Variants in MRPL1 observed in about 807,000 individuals in gnomAD.
MRPL1 encodes large ribosomal subunit protein uL1m.
A neutral mutation model predicts 38.0 loss-of-function variants in MRPL1; 28 were observed. The observed-to-expected ratio is 0.74, with a 90% CI of 0.55 to 1.01. The LOEUF (loss-of-function observed/expected upper bound fraction) is 1.01. Among genes scored for constraint, MRPL1 ranks in the 50% least tolerant of loss-of-function variants. The pLI is 0.00. For missense variants in MRPL1, 358 were observed against 389.8 expected, an observed-to-expected ratio of 0.92 and a Z score of 0.69; for synonymous variants, 123 against 126.7, an observed-to-expected ratio of 0.97 and a Z score of 0.20.
rs371637957 is a variant in MRPL1, at chr4:77,880,218, A to T, written c.144-3024A>T. ...GCTAAAATCAAGGTATTGGCAGTTTATTTTCTGGAGGCTCTAGGGGATAAT... is the reference window on the plus strand; with the variant it reads ...GCTAAAATCAAGGTATTGGCAGTTTTTTTTCTGGAGGCTCTAGGGGATAAT... On this transcript the variant is annotated intron_variant, in intron 2 of 8. Coordinates refer to ENST00000315567, the MANE Select transcript of MRPL1 (RefSeq NM_020236.4). 6.7e-3 allele frequency among the ~76,000 whole-genome samples: 1,019 copies of T among 152,202 alleles called. 11 individuals are homozygous for T. The highest frequency in any genetic ancestry group is 0.023 in the African/African-American group (951 of 41,522).
At chr4:77,935,384 G>A (rs992808082) in intron 7 of MRPL1, among the ~76,000 whole-genome samples, 1 of 152,126 alleles carries the variant, frequency 6.6e-6, no homozygotes, top group South Asian at 2.1e-4. Flanking sequence ...TAGATCAACA[G>A]TGAAAATAAT....
intron 7 of MRPL1, among the ~76,000 whole-genome samples, chr4:77,937,611 C>T (rs1055696774): frequency 6.6e-6 from 1 of 152,198 alleles, no homozygotes; most frequent in African/African-American, 2.4e-5. Context: ...CCAGTCTTTA[C>T]AGATGAACCT....
chr4:77,883,129 A>G (rs1735582347), intron 2 of MRPL1, 113 bp from the exon 3 acceptor site: 2 of 702,818 alleles, frequency 2.8e-6, no homozygotes, highest in Admixed American at 7.0e-5. Flanking sequence ...ATGCTTTTGA[A>G]TTAAAATATA....
chr4:77,922,317 A>G (rs1337952851), intron 7 of MRPL1, among the ~76,000 whole-genome samples: 1 of 152,232 alleles, frequency 6.6e-6, no homozygotes, highest in East Asian at 1.9e-4. Context: ...CAAGGCCTTG[A>G]CAGTATATCT....
chr4:77,921,404 G>A (rs554160258), intron 7 of MRPL1, among the ~76,000 whole-genome samples: 2 of 152,276 alleles, frequency 1.3e-5, no homozygotes, highest in South Asian at 2.1e-4. Context: ...GGGAAGGCCT[G>A]CCTCTCTAAA....
intron 3 of MRPL1, 100 bp downstream of exon 3, chr4:77,883,600 G>A: frequency 1.6e-6 from 2 of 1,239,728 alleles, no homozygotes; most frequent in Non-Finnish European, 2.2e-6. Context: ...TTTGAGACAG[G>A]GTCTTCTTGC....
At chr4:77,907,075 TC>T (rs1736175430) in intron 6 of MRPL1, 1 of 985,262 alleles carries the variant, frequency 1.0e-6, no homozygotes, top group Admixed American at 6.1e-5. Flanking sequence ...TGTAATGAGT[TC>T]CTCACATTGA....
chr4:77,925,880 C>T (rs1222128256), intron 7 of MRPL1, among the ~76,000 whole-genome samples: 1 of 152,012 alleles, frequency 6.6e-6, no homozygotes, highest in Non-Finnish European at 1.5e-5. Context: ...AGAATGCATC[C>T]TTTGTAGTTT....
intron 2 of MRPL1, among the ~76,000 whole-genome samples, chr4:77,880,770 C>G (rs1342548505): frequency 6.6e-6 from 1 of 152,190 alleles, no homozygotes; most frequent in African/African-American, 2.4e-5. Flanking sequence ...TTTGTAAGCA[C>G]CTTGTTAGCT....
In MRPL1 at chr4:77,888,437, G is replaced by A. The variant is rs562611993; in HGVS notation, c.558+1146G>A. ...CAAGAATCTCTTGAACCCAGGAGGC[G>A]GAGTTTGCAGTGAGCCGAGATTGCG... On this transcript the variant is annotated intron_variant, in intron 5 of 8. Transcript: ENST00000315567. Among the ~76,000 whole-genome samples the A allele has an allele frequency of 1.2e-4, 19 of 152,192 alleles. No individual in the cohort carries two copies. In the South Asian group the frequency reaches 3.5e-3, roughly 28 times the overall value.
intron 4 of MRPL1, 123 bp downstream of exon 4, chr4:77,885,462 G>C: frequency 1.5e-6 from 1 of 646,486 alleles, no homozygotes; most frequent in South Asian, 1.7e-5. Flanking sequence ...CGCCTCCCAG[G>C]TTCAAGCGAT....
At chr4:77,886,887 G>A (rs1735689961) in intron 4 of MRPL1, among the ~76,000 whole-genome samples, 1 of 146,150 alleles carries the variant, frequency 6.8e-6, no homozygotes, top group African/African-American at 2.5e-5. Context: ...CCCCCTCCTG[G>A]GTTCAAGGAT....
chr4:77,920,228 G>A (rs1212475162), intron 7 of MRPL1, among the ~76,000 whole-genome samples: 1 of 152,074 alleles, frequency 6.6e-6, no homozygotes, highest in Non-Finnish European at 1.5e-5. Context: ...GTTAAAGATT[G>A]CTATATTTTC....
At chr4:77,874,860 C>T (rs1353048829) in intron 2 of MRPL1, among the ~76,000 whole-genome samples, 1 of 150,466 alleles carries the variant, frequency 6.6e-6, no homozygotes, top group East Asian at 1.9e-4. Context: ...CAGCTCACTG[C>T]AACCTCCGCC....
intron 8 of MRPL1, among the ~76,000 whole-genome samples, chr4:77,950,709 A>G (rs1005790245): frequency 4.6e-5 from 7 of 152,146 alleles, no homozygotes; most frequent in Non-Finnish European, 1.0e-4. Flanking sequence ...ATGTGTATGG[A>G]TTCTTAGAGT....
chr4:77,877,748 C>A (rs1735432715), intron 2 of MRPL1, among the ~76,000 whole-genome samples: 1 of 151,848 alleles, frequency 6.6e-6, no homozygotes, highest in South Asian at 2.1e-4. Flanking sequence ...CTAGCCCTTC[C>A]CTAGCTGGAT....
At chr4:77,874,135 T>C (rs1021406912) in intron 2 of MRPL1, among the ~76,000 whole-genome samples, 12 of 151,586 alleles carry the variant, frequency 7.9e-5, no homozygotes, top group Non-Finnish European at 1.3e-4. Context: ...AGTAGGCGCC[T>C]GCCACCACGC....
chr4:77,941,441 C>T (rs886964072), intron 7 of MRPL1, among the ~76,000 whole-genome samples: 1 of 152,092 alleles, frequency 6.6e-6, no homozygotes, highest in East Asian at 1.9e-4. Context: ...TCAGTAGGAT[C>T]AGTACCAGTT....
At chr4:77,871,379 A>G (rs1357171411) in intron 1 of MRPL1, among the ~76,000 whole-genome samples, 5 of 150,906 alleles carry the variant, frequency 3.3e-5, no homozygotes, top group Non-Finnish European at 7.4e-5. Flanking sequence ...ATATCGGCTC[A>G]CTGCAACCTC....
Sources: allele counts gnomAD v4.1 joint callset (sites outside exome capture counted in the v4.1 genomes callset), GRCh38; gene constraint gnomAD v4.1.1; transcripts MANE v1.5; gene names NCBI Gene and HGNC (gene_info 2026-07-23, HGNC 2026-07-21).